DSG4: variants seen among roughly 807,000 people sequenced by gnomAD.
DSG4 encodes desmoglein-4.
In DSG4, 87 loss-of-function variants were observed where a neutral mutation model predicts 93.1. That is an observed-to-expected ratio of 0.93 (90% confidence interval 0.79 to 1.12). The LOEUF (loss-of-function observed/expected upper bound fraction) is 1.12. DSG4 is among the 50% of genes most tolerant of loss of function. The pLI, the probability that DSG4 is intolerant of heterozygous loss-of-function variation, is 0.00. For synonymous variants in DSG4, 432 were observed against 452.9 expected (o/e 0.95, Z 0.59); for missense variants, 1,373 against 1,285.7 (o/e 1.07, Z -1.04).
At position 31,412,200 on chromosome 18, in the gene DSG4, A is replaced by T. The variant is rs2072502376; in HGVS notation, c.2356-628A>T. ...GAATATTATTCAGCCATAAAAAATG[A>T]AATTTTGTCATTTTGCAACAACATG... is the stretch of plus-strand genomic sequence containing the variant. On this transcript the variant is annotated intron_variant, in intron 15 of 15. Coordinates refer to ENST00000308128, the MANE Select transcript of DSG4 (RefSeq NM_177986.5). Among the ~76,000 whole-genome samples, 3 of 152,230 alleles carry T rather than the reference A, an allele frequency of 2.0e-5. No homozygotes were observed. The South Asian group carries it at 6.2e-4, about 32-fold the overall frequency.
chr18:31,406,450 G>C, intron 12 of DSG4, 77 bp downstream of exon 12: 1 of 1,571,616 alleles, frequency 6.4e-7, no homozygotes, highest in South Asian at 1.1e-5. Flanking sequence ...GGATGGTTAG[G>C]TTCATGGAGC....
intron 9 of DSG4, among the ~76,000 whole-genome samples, chr18:31,399,820 TC>T (rs1395357919): frequency 4.7e-4 from 71 of 152,310 alleles, no homozygotes; most frequent in African/African-American, 1.6e-3. Context: ...GTCTTTTTGA[TC>T]TTTTGTGGCC....
intron 12 of DSG4, among the ~76,000 whole-genome samples, chr18:31,409,174 G>A (rs1011591146): frequency 6.6e-6 from 1 of 152,120 alleles, no homozygotes; most frequent in African/African-American, 2.4e-5. Context: ...GACTAAAGAC[G>A]ACCTTACTTT....
At chr18:31,393,757 C>T in intron 8 of DSG4, among the ~76,000 whole-genome samples, 1 of 152,152 alleles carries the variant, frequency 6.6e-6, no homozygotes, top group Non-Finnish European at 1.5e-5. Flanking sequence ...TGGAAGCAAA[C>T]ATATCGTTTA....
intron 3 of DSG4, among the ~76,000 whole-genome samples, 172 bp from the exon 4 acceptor site, chr18:31,388,195 T>A (rs573878756): frequency 1.6e-4 from 25 of 152,236 alleles, no homozygotes; most frequent in African/African-American, 5.3e-4. Context: ...CACTGTAAGC[T>A]GATCTGGGCA....
intron 1 of DSG4, among the ~76,000 whole-genome samples, chr18:31,379,907 G>C (rs1303389602): frequency 6.6e-6 from 1 of 152,110 alleles, no homozygotes; most frequent in East Asian, 1.9e-4. Flanking sequence ...ACCCTAGATT[G>C]CTTTAAATGA....
chr18:31,413,168 C>G lies in DSG4; in HGVS notation c.2696C>G (p.Pro899Arg). 1 of 1,614,098 alleles carries G rather than the reference C, an allele frequency of 6.2e-7. No homozygotes were observed. Among genetic ancestry groups the G allele is most frequent in the South Asian group, 1.1e-5 (1 of 91,068 alleles). Residue 899 changes from proline (P) to arginine (R), a missense_variant, in exon 16 of 16, where the codon CCC (proline) becomes CGC (arginine). By Grantham distance (103) the Pro-to-Arg change is moderately radical. Transcript: ENST00000308128. ...EFQEEMAASE[P>R]VVHGDIIVTE... ...CAAGAAGAAATGGCAGCATCTGAAC[C>G]CGTGGTCCATGGGGATATTATTGTG...
chr18:31,411,249 A>T lies in DSG4; in HGVS notation c.2156A>T (p.Tyr719Phe). ...TTTTCAGAAATCTACACCAACACCTATGCAGCCGGGGGCACGGTGGAAGGA... is the reference window on the plus strand; with the variant it reads ...TTTTCAGAAATCTACACCAACACCTTTGCAGCCGGGGGCACGGTGGAAGGA... ...MDSSEIYTNT[Y>F]AAGGTVEGGV... The change falls in exon 15 of 16, where the codon TAT becomes TTT. Residue 719 changes from tyrosine (Y) to phenylalanine (F), a missense_variant. Tyr to Phe is a conservative substitution (Grantham distance 22). Coordinates refer to ENST00000308128, the MANE Select transcript of DSG4 (RefSeq NM_177986.5). The T allele has an allele frequency of 3.1e-6, 5 of 1,613,828 alleles. No homozygotes were observed. The highest frequency in any genetic ancestry group is 4.2e-6 in the Non-Finnish European group (5 of 1,180,002).
intron 8 of DSG4, among the ~76,000 whole-genome samples, chr18:31,398,026 CAA>C (rs58572396): frequency 0.049 from 3,980 of 80,978 alleles, 111 homozygotes; most frequent in African/African-American, 0.17. Context: ...GACCCTGTCT[CAA>C]AAAAAAAAAA....
rs752598201 is a variant in DSG4 at position 31,400,891 on chromosome 18, G to A, written c.1288G>A (p.Gly430Arg). 26 of 1,612,312 alleles carry A rather than the reference G, an allele frequency of 1.6e-5. No homozygotes were observed. Among genetic ancestry groups the A allele is most frequent in the Non-Finnish European group, 2.1e-5 (25 of 1,178,956 alleles). Residue 430 changes from glycine to arginine, a missense_variant, in exon 10 of 16, where the codon GGG becomes AGG. Transcript: ENST00000308128. ...TTTATTTAAAAACAGATATATCATA[G>A]GGCATGATGCAGGCAGCTGGTTAAA... ...NPATDVRYII[G>R]HDAGSWLKID...
intron 7 of DSG4, among the ~76,000 whole-genome samples, chr18:31,391,534 C>A (rs751770676): frequency 1.2e-4 from 19 of 152,004 alleles, no homozygotes; most frequent in Non-Finnish European, 2.5e-4. Context: ...TTTGTATATG[C>A]CTCATGATTT....
rs200217327 is a variant in DSG4, at chr18:31,388,985, T to C, written c.484T>C (p.Tyr162His). The change falls in exon 5 of 16, where the codon TAC (tyrosine) becomes CAC (histidine). Residue 162 changes from tyrosine (Y) to histidine (H), a missense_variant. Physicochemically the swap from Tyr to His is moderately conservative, Grantham distance 83. Transcript: ENST00000308128. ...DNAPVFSQSVYTASIEENSDA... is the reference protein window; with the variant it reads ...DNAPVFSQSVHTASIEENSDA... Reference sequence around the variant, plus strand: ...CGCTCCAGTCTTTTCGCAAAGTGTATACACAGCCAGCATTGAAGAAAATAG... The same window carrying C: ...CGCTCCAGTCTTTTCGCAAAGTGTACACACAGCCAGCATTGAAGAAAATAG... 2 of 1,613,432 alleles carry C rather than the reference T, an allele frequency of 1.2e-6. No individual in the cohort carries two copies. The highest frequency in any genetic ancestry group is 8.5e-7 in the Non-Finnish European group (1 of 1,179,528).
rs1165133883 is a variant in DSG4, at chr18:31,402,641, C to A, written c.1418-775C>A. ...CTCAGAAAAGGACCTAGTAAGGTACCCCAGAGACGACAACGTTCTAGTTTA... is the reference window on the plus strand; with the variant it reads ...CTCAGAAAAGGACCTAGTAAGGTACACCAGAGACGACAACGTTCTAGTTTA... On this transcript the variant is annotated intron_variant, in intron 10 of 15. Transcript: ENST00000308128. 2.6e-5 allele frequency among the ~76,000 whole-genome samples: 4 copies of A among 151,728 alleles called. No homozygotes were observed. The East Asian group carries it at 7.7e-4, about 29-fold the overall frequency.
intron 8 of DSG4, among the ~76,000 whole-genome samples, chr18:31,394,680 GAAA>G (rs5823804): frequency 2.3e-3 from 343 of 146,002 alleles, no homozygotes; most frequent in Middle Eastern, 7.0e-3. Flanking sequence ...AGTAAAAATG[GAAA>G]AAAAAAAAAA....
At position 31,401,020 on chromosome 18, in the gene DSG4, G is replaced by A; in HGVS notation, c.1417G>A (p.Asp473Asn). ...IYTAEILAID[D>N]GSGKTATGTI... ...CACAGCAGAGATCCTGGCTATAGAT[G>A]GTAAGAAAATTTATTTTCAGTATTT... The change falls in exon 10 of 16, where the codon GAT (aspartate) becomes AAT (asparagine). Residue 473 changes from aspartate to asparagine, a missense_variant and splice_region_variant. By Grantham distance (23) the Asp-to-Asn change is conservative. Transcript: ENST00000308128. 6.3e-7 allele frequency: 1 copy of A among 1,591,040 alleles called. No individual in the cohort carries two copies. The highest frequency in any genetic ancestry group is 2.2e-5 in the East Asian group (1 of 44,530).
chr18:31,412,204 T>G (rs1401559621), intron 15 of DSG4, among the ~76,000 whole-genome samples: 1 of 152,182 alleles, frequency 6.6e-6, no homozygotes, highest in Non-Finnish European at 1.5e-5. Flanking sequence ...AAAATGAAAT[T>G]TTGTCATTTT....
intron 8 of DSG4, among the ~76,000 whole-genome samples, chr18:31,397,861 T>C (rs1057480256): frequency 2.6e-5 from 4 of 152,048 alleles, no homozygotes; most frequent in East Asian, 1.9e-4. Flanking sequence ...CCCCCGTCTC[T>C]ACTAAAAATG....
intron 9 of DSG4, 104 bp downstream of exon 9, chr18:31,399,647 CT>C (rs1258311604): frequency 3.4e-6 from 5 of 1,459,834 alleles, no homozygotes; most frequent in Non-Finnish European, 4.8e-6. Flanking sequence ...GGCTTTTTTG[CT>C]TTTATTATTC....
Position 31,403,523 on chromosome 18 carries a change from C to T in DSG4, c.1525C>T (p.Pro509Ser), listed in dbSNP as rs749255106. The change falls in exon 11 of 16, where the codon CCA becomes TCA. Residue 509 changes from proline to serine, a missense_variant. Physicochemically the swap from Pro to Ser is moderately conservative, Grantham distance 74. Coordinates refer to ENST00000308128, the MANE Select transcript of DSG4 (RefSeq NM_177986.5). ...AAGAAGAACCATCTGCATTGACTCT[C>T]CATCAGTCCTTATCTCTGTTAATGA... ...PERRTICIDS[P>S]SVLISVNEHS... is the part of the protein sequence containing the mutation. 6.2e-7 allele frequency: 1 copy of T among 1,614,072 alleles called. No individual in the cohort carries two copies. Among genetic ancestry groups the T allele is most frequent in the Non-Finnish European group, 8.5e-7 (1 of 1,179,960 alleles).
Sources: allele counts gnomAD v4.1 joint callset (sites outside exome capture counted in the v4.1 genomes callset), GRCh38; gene constraint gnomAD v4.1.1; transcripts MANE v1.5; gene names NCBI Gene and HGNC (gene_info 2026-07-23, HGNC 2026-07-21).